RGS17: variants seen among roughly 807,000 people sequenced by gnomAD.
RGS17 encodes regulator of G-protein signaling 17.
Under a neutral mutation model 25.5 loss-of-function variants are expected in RGS17, and 12 were observed. That is an observed-to-expected ratio of 0.47 (90% confidence interval 0.30 to 0.76). RGS17 has a LOEUF of 0.76. RGS17 is among the 30% of genes least tolerant of loss of function. The pLI is 0.07. For synonymous variants in RGS17, 71 were observed against 76.9 expected, an observed-to-expected ratio of 0.92 and a Z score of 0.40; for missense variants, 196 against 242.2, an observed-to-expected ratio of 0.81 and a Z score of 1.27.
intron 1 of RGS17, among the ~76,000 whole-genome samples, chr6:153,053,923 AT>A (rs1216037219): frequency 1.5e-5 from 1 of 66,172 alleles, no homozygotes; most frequent in African/African-American, 9.2e-5. Context: ...TTATATATAT[AT>A]GTATATATAT....
intron 1 of RGS17, among the ~76,000 whole-genome samples, chr6:153,054,131 T>G (rs1330344701): frequency 3.9e-5 from 5 of 129,624 alleles, no homozygotes; most frequent in African/African-American, 1.4e-4. Context: ...TATATATATA[T>G]ACAGCTTTAT....
rs1431782639 is a variant in RGS17 at position 153,006,912 on chromosome 6, TC to T, written c.*4661del. Reference sequence around the variant, plus strand: ...AGTTCCTGATGTTTTTACACTATGCTCCCTAAGTGAATCTGTGGACATACAT... The same window carrying T: ...AGTTCCTGATGTTTTTACACTATGCTCCTAAGTGAATCTGTGGACATACAT... On this transcript the variant is annotated 3_prime_UTR_variant, in exon 5 of 5. Transcript: ENST00000206262. 1.3e-5 allele frequency: 2 copies of T among 152,238 alleles called. No homozygotes were observed. The highest frequency in any genetic ancestry group is 6.5e-5 in the Admixed American group (1 of 15,288). 9.4% of individuals were successfully genotyped at this position (152,238 alleles called of 1,614,324 possible).
At chr6:153,057,275 C>T (rs569258165) in intron 1 of RGS17, among the ~76,000 whole-genome samples, 1 of 152,136 alleles carries the variant, frequency 6.6e-6, no homozygotes, top group South Asian at 2.1e-4. Flanking sequence ...GGTCAAGATG[C>T]CGTTGCAGTA....
In RGS17 at chr6:153,006,626, AAAAT is replaced by A. The variant is rs540489033; in HGVS notation, c.*4944_*4947del. ...AGATGTTTAACGTATGTTTTGGAAAAAAATAGGGGAAAGTGCATTAAAGTGACAT... is the reference window on the plus strand; with the variant it reads ...AGATGTTTAACGTATGTTTTGGAAAAAGGGGAAAGTGCATTAAAGTGACAT... On this transcript the variant is annotated 3_prime_UTR_variant, in exon 5 of 5. Transcript: ENST00000206262. The A allele has an allele frequency of 2.0e-4, 30 of 152,632 alleles. No individual in the cohort carries two copies. In the South Asian group the frequency reaches 6.0e-3, roughly 31 times the overall value. The allele number at this position is 152,632 out of a possible 1,614,324, so 9.5% of individuals were successfully genotyped here. A position where few individuals can be genotyped will look rare whatever the true frequency, so the allele number is the denominator to read the frequency against.
chr6:153,033,076 C>T (rs2057181), intron 2 of RGS17, among the ~76,000 whole-genome samples: 54,626 of 151,976 alleles, frequency 0.36, 10,350 homozygotes, highest in African/African-American at 0.42. Context: ...CTTCTTTTGA[C>T]CCATGGAAAC....
intron 1 of RGS17, among the ~76,000 whole-genome samples, chr6:153,121,153 A>G (rs560827691): frequency 1.2e-4 from 18 of 152,302 alleles, no homozygotes; most frequent in African/African-American, 4.3e-4. Flanking sequence ...AGAAAACAGA[A>G]GAGGTAAAAC....
chr6:153,039,952 C>T (rs190784103), intron 2 of RGS17, among the ~76,000 whole-genome samples: 6 of 152,306 alleles, frequency 3.9e-5, no homozygotes, highest in Admixed American at 6.5e-5. Context: ...TCTGAAGAAA[C>T]GAGACATTCC....
intron 1 of RGS17, among the ~76,000 whole-genome samples, chr6:153,107,162 A>G (rs9383650): frequency 0.47 from 70,413 of 150,960 alleles, 17,015 homozygotes; most frequent in East Asian, 0.85. Flanking sequence ...GTGAAACCCC[A>G]TCTCTACTCA....
At chr6:153,084,977 G>A (rs948116973) in intron 1 of RGS17, among the ~76,000 whole-genome samples, 23 of 152,238 alleles carry the variant, frequency 1.5e-4, no homozygotes, top group African/African-American at 5.3e-4. Flanking sequence ...ATAACGTTAC[G>A]AAAATTCAGA....
At chr6:153,093,730 T>C (rs937637388) in intron 1 of RGS17, among the ~76,000 whole-genome samples, 3 of 152,208 alleles carry the variant, frequency 2.0e-5, no homozygotes, top group Admixed American at 1.3e-4. Context: ...ACTTGGTAGA[T>C]AAGGGGATTA....
intron 1 of RGS17, among the ~76,000 whole-genome samples, chr6:153,124,077 T>C (rs934083127): frequency 6.6e-6 from 1 of 152,148 alleles, no homozygotes; most frequent in African/African-American, 2.4e-5. Flanking sequence ...GCTTGAACAT[T>C]AGTTGTAGAG....
chr6:153,073,490 G>C (rs1351690778), intron 1 of RGS17, among the ~76,000 whole-genome samples: 2 of 152,152 alleles, frequency 1.3e-5, no homozygotes, highest in Admixed American at 1.3e-4. Flanking sequence ...TTAGAAATGG[G>C]TTGTTTAAAA....
At chr6:153,103,969 T>C (rs554279222) in intron 1 of RGS17, among the ~76,000 whole-genome samples, 21 of 152,356 alleles carry the variant, frequency 1.4e-4, no homozygotes, top group South Asian at 1.2e-3. Context: ...ATATCATTGA[T>C]TGTAAAATGT....
rs377507196 is a variant in RGS17 at position 153,043,881 on chromosome 6, T to G, written c.119+19A>C. On this transcript the variant is annotated intron_variant, in intron 2 of 4. Transcript: ENST00000206262. ...CCTGCCAAGCCTGGGTGTGGCATCC[T>G]ACAGGTAACATGACATACCAGGAGC... 2 of 1,533,102 alleles carry G rather than the reference T, an allele frequency of 1.3e-6. No homozygotes were observed. Among genetic ancestry groups the G allele is most frequent in the Non-Finnish European group, 1.8e-6 (2 of 1,114,196 alleles). The allele number at this position is 1,533,102 out of a possible 1,614,324, so 95.0% of individuals were successfully genotyped here.
intron 1 of RGS17, among the ~76,000 whole-genome samples, chr6:153,067,797 T>C (rs1776731338): frequency 1.3e-5 from 2 of 152,112 alleles, no homozygotes; most frequent in South Asian, 2.1e-4. Context: ...CTCAGAGAAA[T>C]AGTAAAAGCT....
intron 1 of RGS17, among the ~76,000 whole-genome samples, chr6:153,095,693 G>A (rs558140415): frequency 7.2e-5 from 11 of 152,274 alleles, no homozygotes; most frequent in Non-Finnish European, 1.5e-4. Context: ...TATGAGAAGT[G>A]ATCTAATTAT....
intron 2 of RGS17, among the ~76,000 whole-genome samples, chr6:153,040,311 C>T (rs1776305663): frequency 6.6e-6 from 1 of 152,130 alleles, no homozygotes; most frequent in South Asian, 2.1e-4. Context: ...TACTCACTCT[C>T]TGTATCCTCC....
At chr6:153,020,230 T>C (rs1779235219) in intron 4 of RGS17, among the ~76,000 whole-genome samples, 1 of 136,562 alleles carries the variant, frequency 7.3e-6, no homozygotes, top group South Asian at 2.5e-4. Context: ...CTTGGCTCAC[T>C]GCAACCTCCG....
At chr6:153,038,005 A>AT (rs1356374600) in intron 2 of RGS17, among the ~76,000 whole-genome samples, 2 of 152,148 alleles carry the variant, frequency 1.3e-5, no homozygotes, top group African/African-American at 4.8e-5. Context: ...GCACCAGTCT[A>AT]TTACCAAGGT....
Sources: gnomAD v4.1 joint callset for allele counts (sites outside exome capture counted in the v4.1 genomes callset) on GRCh38, gnomAD v4.1.1 for gene constraint, MANE v1.5 for transcripts, NCBI Gene and HGNC (gene_info 2026-07-23, HGNC 2026-07-21) for gene names.